Variants in NCALD observed in about 807,000 individuals in gnomAD.
NCALD encodes the protein neurocalcin delta.
In NCALD, 10 loss-of-function variants were observed where a neutral mutation model predicts 18.6. The observed-to-expected ratio is 0.54, with a 90% CI of 0.33 to 0.91. The LOEUF is 0.91. NCALD is among the 40% of genes least tolerant of loss of function. The probability of loss-of-function intolerance (pLI) is 0.03; values close to 1 mark genes in which losing one functional copy is unlikely to be tolerated. For missense variants in NCALD, 184 were observed against 247.6 expected, an observed-to-expected ratio of 0.74 and a Z score of 1.72; for synonymous variants, 88 against 87.4, an observed-to-expected ratio of 1.01 and a Z score of -0.04.
At chr8:101,829,980 T>TC (rs1476818354) in intron 4 of NCALD, among the ~76,000 whole-genome samples, 2 of 151,256 alleles carry the variant, frequency 1.3e-5, no homozygotes, top group Admixed American at 6.6e-5. Flanking sequence ...ATGGGTTTTT[T>TC]TTTTTTTTTT....
chr8:102,031,571 T>A (rs1261465914), intron 1 of NCALD, among the ~76,000 whole-genome samples: 1 of 152,188 alleles, frequency 6.6e-6, no homozygotes, highest in East Asian at 1.9e-4. Flanking sequence ...AGGTTATATC[T>A]GTGTTTTATT....
chr8:101,827,632 T>C (rs1278238075), intron 4 of NCALD, among the ~76,000 whole-genome samples: 1 of 152,226 alleles, frequency 6.6e-6, no homozygotes, highest in Non-Finnish European at 1.5e-5. Flanking sequence ...GAAAGGCATG[T>C]CCTGGAATTG....
intron 1 of NCALD, among the ~76,000 whole-genome samples, chr8:102,113,334 C>A (rs1413141969): frequency 2.0e-5 from 3 of 152,106 alleles, no homozygotes; most frequent in Non-Finnish European, 2.9e-5. Flanking sequence ...AGGAGATTAT[C>A]TTTTTTAAAA....
chr8:101,779,116 G>C (rs1811912008), intron 1 of NCALD, among the ~76,000 whole-genome samples: 1 of 152,014 alleles, frequency 6.6e-6, no homozygotes, highest in Admixed American at 6.5e-5. Flanking sequence ...TCAATTATGA[G>C]GGCAAAATGA....
At chr8:101,691,926 A>C (rs1230159945) in intron 3 of NCALD, 1 of 985,370 alleles carries the variant, frequency 1.0e-6, no homozygotes, top group Non-Finnish European at 1.2e-6. Flanking sequence ...CAAGAGCTAC[A>C]GAGCCGGGCC....
rs141941058 is a variant in NCALD at position 102,104,819 on chromosome 8, G to C, written c.-210+19418C>G. Among the ~76,000 whole-genome samples the C allele has an allele frequency of 4.8e-4, 73 of 152,320 alleles. 1 individual carries two copies. Among genetic ancestry groups the C allele is most frequent in the African/African-American group, 1.7e-3 (72 of 41,580 alleles). ...TGGAAGGAGATTTAACCCCTTCCCA[G>C]GGATGGACAATGACCCAGGCCTGAC... On this transcript the variant is annotated intron_variant, in intron 1 of 6. Coordinates refer to the NCALD transcript ENST00000311028.
At chr8:102,094,822 A>C (rs569923952) in intron 1 of NCALD, among the ~76,000 whole-genome samples, 1 of 152,344 alleles carries the variant, frequency 6.6e-6, no homozygotes, top group South Asian at 2.1e-4. Context: ...TGTCATAGGA[A>C]GATGGAGACA....
rs539660133 is a variant in NCALD at position 101,974,534 on chromosome 8, G to A, written c.-157+45703C>T. On this transcript the variant is annotated intron_variant, in intron 2 of 6. Coordinates refer to the NCALD transcript ENST00000311028. Reference sequence around the variant, plus strand: ...AGGCACTTGCTCAAGCATGTGGGATGTCATGTAAGCCAAGTACACAACAGG... The same window carrying A: ...AGGCACTTGCTCAAGCATGTGGGATATCATGTAAGCCAAGTACACAACAGG... Among the ~76,000 whole-genome samples the A allele has an allele frequency of 2.0e-5, 3 of 152,314 alleles. No homozygotes were observed. In the South Asian group the frequency reaches 6.2e-4, roughly 32 times the overall value.
chr8:102,102,023 ACT>A (rs1473795102), intron 1 of NCALD, among the ~76,000 whole-genome samples: 2 of 151,084 alleles, frequency 1.3e-5, no homozygotes, highest in Non-Finnish European at 1.5e-5. Context: ...AGCTCTTAAA[ACT>A]CATCCTCTAT....
At chr8:101,753,468 C>G (rs1810743953) in intron 1 of NCALD, among the ~76,000 whole-genome samples, 1 of 152,180 alleles carries the variant, frequency 6.6e-6, no homozygotes, top group Admixed American at 6.5e-5. Context: ...TGATTTCGTT[C>G]AGGAATTTTA....
chr8:102,045,918 A>G (rs927332640), intron 1 of NCALD, among the ~76,000 whole-genome samples: 1 of 152,182 alleles, frequency 6.6e-6, no homozygotes. Flanking sequence ...AAGTTCACCA[A>G]TGTTTATTGA....
At chr8:102,055,285 G>A (rs910378543) in intron 1 of NCALD, among the ~76,000 whole-genome samples, 3 of 150,938 alleles carry the variant, frequency 2.0e-5, no homozygotes, top group African/African-American at 7.3e-5. Flanking sequence ...AGCCGGTGGG[G>A]CCATGCCTAG....
intron 1 of NCALD, among the ~76,000 whole-genome samples, chr8:102,100,873 T>C (rs1825254235): frequency 6.6e-6 from 1 of 151,156 alleles, no homozygotes; most frequent in African/African-American, 2.4e-5. Flanking sequence ...AGCAGAACGG[T>C]GGTCGTCAGG....
At chr8:101,878,876 T>C (rs1003183300) in intron 4 of NCALD, among the ~76,000 whole-genome samples, 1 of 152,186 alleles carries the variant, frequency 6.6e-6, no homozygotes, top group Non-Finnish European at 1.5e-5. Context: ...TATGCGACGG[T>C]CAATGCCATG....
chr8:101,792,358 A>G (rs1274714408), upstream of NCALD, among the ~76,000 whole-genome samples: 1 of 151,936 alleles, frequency 6.6e-6, no homozygotes, highest in Non-Finnish European at 1.5e-5. Flanking sequence ...GAATCGTCCT[A>G]CTCCATCCTC....
intron 1 of NCALD, among the ~76,000 whole-genome samples, chr8:102,045,126 G>T (rs1259944257): frequency 6.6e-6 from 1 of 152,188 alleles, no homozygotes; most frequent in East Asian, 1.9e-4. Flanking sequence ...GAGACCAGGG[G>T]CCCATAACTA....
chr8:101,828,892 T>G (rs957333391), intron 4 of NCALD, among the ~76,000 whole-genome samples: 1 of 146,918 alleles, frequency 6.8e-6, no homozygotes, highest in Non-Finnish European at 1.5e-5. Context: ...TGGTACCTAA[T>G]AAGTGATCAA....
chr8:101,888,305 C>T (rs1416021253), intron 3 of NCALD, among the ~76,000 whole-genome samples: 1 of 152,144 alleles, frequency 6.6e-6, no homozygotes, highest in Non-Finnish European at 1.5e-5. Context: ...AACCCTAGTA[C>T]TCAGGTGATC....
At chr8:101,867,055 A>G (rs772988244) in intron 4 of NCALD, among the ~76,000 whole-genome samples, 31 of 151,708 alleles carry the variant, frequency 2.0e-4, no homozygotes, top group Admixed American at 4.6e-4. Flanking sequence ...CTGGCCTTCC[A>G]CCGTTCCTCA....
Sources: allele counts gnomAD v4.1 joint callset (sites outside exome capture counted in the v4.1 genomes callset), GRCh38; gene constraint gnomAD v4.1.1; transcripts MANE v1.5; gene names NCBI Gene and HGNC (gene_info 2026-07-23, HGNC 2026-07-21).